Variants in OSBPL10 observed in about 807,000 individuals in gnomAD.
OSBPL10 encodes oxysterol binding protein like 10.
OSBPL10 carries 49 observed loss-of-function variants against 81.7 expected under a neutral mutation model. The ratio of observed to expected loss-of-function variants is 0.60; its 90% CI spans 0.48 to 0.76. The LOEUF is 0.76. Among genes scored for constraint, OSBPL10 ranks in the 30% least tolerant of loss-of-function variants. The pLI is 0.00. For synonymous variants in OSBPL10, 419 were observed against 383.6 expected (o/e 1.09, Z -1.08); for missense variants, 923 against 987.8 (o/e 0.93, Z 0.88).
intron 5 of OSBPL10, among the ~76,000 whole-genome samples, chr3:31,741,702 A>G (rs1697356705): frequency 6.6e-6 from 1 of 152,202 alleles, no homozygotes; most frequent in Non-Finnish European, 1.5e-5. Context: ...TTGATATCCT[A>G]TTGATATGGT....
At chr3:31,799,419 A>C (rs1475967951) in intron 4 of OSBPL10, among the ~76,000 whole-genome samples, 1 of 151,710 alleles carries the variant, frequency 6.6e-6, no homozygotes, top group Non-Finnish European at 1.5e-5. Context: ...GAAGAAAGAA[A>C]GAACAAGAAT....
At chr3:31,943,763 C>T (rs557298819) in intron 1 of OSBPL10, among the ~76,000 whole-genome samples, 10 of 151,896 alleles carry the variant, frequency 6.6e-5, no homozygotes, top group East Asian at 5.8e-4. Context: ...GTCAGGAGTT[C>T]GAGACCAGCC....
At position 31,816,515 on chromosome 3, in the gene OSBPL10, G is replaced by C. The variant is rs184733928; in HGVS notation, c.729+13525C>G. Among the ~76,000 whole-genome samples, 5 of 152,340 alleles carry C rather than the reference G, an allele frequency of 3.3e-5. No homozygotes were observed. In the East Asian group the frequency reaches 9.6e-4, roughly 29 times the overall value. On this transcript the variant is annotated intron_variant, in intron 4 of 11. Transcript: ENST00000396556. ...GAACAAGACAGTCCAGGATGCTTGTGATGGGTAATTTCATGTGTCAACTTA... is the reference window on the plus strand; with the variant it reads ...GAACAAGACAGTCCAGGATGCTTGTCATGGGTAATTTCATGTGTCAACTTA...
At chr3:31,738,321 T>A (rs1448111038) in intron 5 of OSBPL10, among the ~76,000 whole-genome samples, 1 of 152,048 alleles carries the variant, frequency 6.6e-6, no homozygotes, top group Non-Finnish European at 1.5e-5. Flanking sequence ...TGGCAACATT[T>A]TTGAATAACA....
In OSBPL10 at chr3:31,663,628, G is replaced by C. The variant is rs914209364; in HGVS notation, c.2250+451C>G. 2.5e-5 allele frequency: 26 copies of C among 1,045,762 alleles called. No homozygotes were observed. In the African/African-American group the frequency reaches 4.4e-4, roughly 18 times the overall value. The allele number at this position is 1,045,762 out of a possible 1,614,324, so 64.8% of individuals were successfully genotyped here. The stretch of plus-strand genomic sequence containing the variant: ...TGACTAGCCCTTGTGGCCCACAGGA[G>C]GCAAAGCTCTGAAAGGCAATTCTTC... On this transcript the variant is annotated intron_variant, in intron 11 of 11. Transcript: ENST00000396556.
intron 2 of OSBPL10, among the ~76,000 whole-genome samples, chr3:32,033,037 T>C (rs934199291): frequency 6.6e-6 from 1 of 152,224 alleles, no homozygotes; most frequent in Non-Finnish European, 1.5e-5. Context: ...CAAATTATAA[T>C]GTGATGAATT....
At chr3:31,933,519 C>T in intron 1 of OSBPL10, among the ~76,000 whole-genome samples, 1 of 151,872 alleles carries the variant, frequency 6.6e-6, no homozygotes, top group East Asian at 1.9e-4. Flanking sequence ...ATCCTTCTAC[C>T]TCACCCTCCC....
intron 3 of OSBPL10, among the ~76,000 whole-genome samples, chr3:31,872,291 C>T (rs906796093): frequency 6.6e-6 from 1 of 152,168 alleles, no homozygotes; most frequent in Admixed American, 6.5e-5. Flanking sequence ...ATCTGTGAGG[C>T]TAGATGTCAG....
At chr3:31,892,593 G>T (rs918303527) in intron 1 of OSBPL10, among the ~76,000 whole-genome samples, 2 of 152,194 alleles carry the variant, frequency 1.3e-5, no homozygotes, top group African/African-American at 4.8e-5. Flanking sequence ...AGTAGAAACT[G>T]ACCAAACTTT....
At chr3:31,707,440 A>G (rs1291464826) in intron 6 of OSBPL10, 1 of 152,256 alleles carries the variant, frequency 6.6e-6, no homozygotes, top group African/African-American at 2.4e-5. Context: ...CTCTTTTAGC[A>G]GCAAGCATAT....
At chr3:31,665,060 C>T (rs948556339) in intron 10 of OSBPL10, among the ~76,000 whole-genome samples, 3 of 151,544 alleles carry the variant, frequency 2.0e-5, no homozygotes, top group African/African-American at 7.3e-5. Flanking sequence ...AGGCTGACTA[C>T]TTGGAAAAAA....
intron 3 of OSBPL10, among the ~76,000 whole-genome samples, chr3:31,850,043 T>C (rs1001982899): frequency 6.6e-6 from 1 of 152,144 alleles, no homozygotes; most frequent in Admixed American, 6.5e-5. Flanking sequence ...TGCATTCCTG[T>C]AATCCCAGCT....
intron 6 of OSBPL10, among the ~76,000 whole-genome samples, chr3:31,727,916 C>G (rs1266934184): frequency 6.6e-6 from 1 of 152,166 alleles, no homozygotes; most frequent in Non-Finnish European, 1.5e-5. Context: ...TTCAGATGGA[C>G]AGCTTTATGG....
chr3:31,791,747 A>C (rs988937172), intron 4 of OSBPL10, among the ~76,000 whole-genome samples: 47 of 152,236 alleles, frequency 3.1e-4, no homozygotes, highest in African/African-American at 1.1e-3. Flanking sequence ...GTAACCACCA[A>C]GTGAGAAAAA....
chr3:31,942,994 T>TC (rs1697581153), intron 1 of OSBPL10, among the ~76,000 whole-genome samples: 1 of 152,228 alleles, frequency 6.6e-6, no homozygotes. Flanking sequence ...TAACTATCAA[T>TC]CAATAACTCC....
At chr3:31,865,994 A>G (rs1279438624) in intron 3 of OSBPL10, among the ~76,000 whole-genome samples, 1 of 152,152 alleles carries the variant, frequency 6.6e-6, no homozygotes, top group African/African-American at 2.4e-5. Context: ...GAGTCTACAG[A>G]TGTCACTGGG....
chr3:31,748,180 A>T, intron 4 of OSBPL10, 60 bp from the exon 5 acceptor site: 1 of 1,469,270 alleles, frequency 6.8e-7, no homozygotes, highest in South Asian at 1.2e-5. Context: ...CAGGCTGGGG[A>T]GGCGGCAGAT....
intron 2 of OSBPL10, among the ~76,000 whole-genome samples, chr3:32,005,310 G>A (rs1192466873): frequency 6.6e-6 from 1 of 152,146 alleles, no homozygotes; most frequent in African/African-American, 2.4e-5. Flanking sequence ...CTGCTGGAAA[G>A]TATTCCACAG....
intron 3 of OSBPL10, among the ~76,000 whole-genome samples, chr3:31,847,698 G>C (rs975042361): frequency 5.3e-5 from 8 of 152,124 alleles, no homozygotes; most frequent in African/African-American, 1.7e-4. Context: ...CAGTCAGGAA[G>C]TCAGAAGTGT....
Sources: gnomAD v4.1 joint callset for allele counts (sites outside exome capture counted in the v4.1 genomes callset) on GRCh38, gnomAD v4.1.1 for gene constraint, MANE v1.5 for transcripts, NCBI Gene and HGNC (gene_info 2026-07-23, HGNC 2026-07-21) for gene names.